Variants in JADE1 observed in about 807,000 individuals in gnomAD.
JADE1 encodes the protein jade family PHD finger 1, also known as protein Jade-1.
Under a neutral mutation model 81.8 loss-of-function variants are expected in JADE1, and 14 were observed. The observed-to-expected ratio is 0.17, with a 90% CI of 0.11 to 0.27. JADE1 has a LOEUF of 0.27. Among genes scored for constraint, JADE1 ranks in the 10% least tolerant of loss-of-function variants. JADE1 has a pLI of 1.00. For synonymous variants in JADE1, 353 were observed against 391.9 expected, an observed-to-expected ratio of 0.90 and a Z score of 1.17; for missense variants, 690 against 1,047.9, an observed-to-expected ratio of 0.66 and a Z score of 4.71.
intron 1 of JADE1, among the ~76,000 whole-genome samples, chr4:128,830,701 C>T (rs1728478723): frequency 6.6e-6 from 1 of 152,180 alleles, no homozygotes; most frequent in Non-Finnish European, 1.5e-5. Context: ...AACTGACAGA[C>T]CAGTGCCCTA....
At chr4:128,861,393 A>G (rs150639053) in intron 8 of JADE1, among the ~76,000 whole-genome samples, 1 of 152,246 alleles carries the variant, frequency 6.6e-6, no homozygotes, top group African/African-American at 2.4e-5. Flanking sequence ...GGCTGGGCGC[A>G]GTGGCTCACG....
At chr4:128,851,864 A>G (rs1036029501) in intron 5 of JADE1, among the ~76,000 whole-genome samples, 193 bp from the exon 6 acceptor site, 7 of 152,016 alleles carry the variant, frequency 4.6e-5, no homozygotes, top group Non-Finnish European at 7.4e-5. Context: ...GGGTTCCACT[A>G]TATTGCCCAG....
At chr4:128,812,795 G>A (rs1471395631) in intron 1 of JADE1, among the ~76,000 whole-genome samples, 2 of 152,246 alleles carry the variant, frequency 1.3e-5, no homozygotes, top group East Asian at 3.9e-4. Context: ...CCTTACTTCG[G>A]CAGGGGCGAG....
chr4:128,856,097 G>T (rs1730770733), intron 7 of JADE1, among the ~76,000 whole-genome samples: 1 of 152,192 alleles, frequency 6.6e-6, no homozygotes, highest in Non-Finnish European at 1.5e-5. Flanking sequence ...GGGATTACAA[G>T]CGTGAGCCAC....
intron 2 of JADE1, among the ~76,000 whole-genome samples, chr4:128,836,691 A>G (rs1290963809): frequency 6.6e-6 from 1 of 151,082 alleles, no homozygotes; most frequent in Non-Finnish European, 1.5e-5. Flanking sequence ...ATCAGGAATT[A>G]TATATTATTG....
At chr4:128,823,246 C>G (rs1325175072) in intron 1 of JADE1, among the ~76,000 whole-genome samples, 1 of 152,098 alleles carries the variant, frequency 6.6e-6, no homozygotes, top group East Asian at 1.9e-4. Flanking sequence ...AATAGATTGC[C>G]TTAGAGCTCA....
chr4:128,819,660 C>T (rs1727379250), intron 1 of JADE1, among the ~76,000 whole-genome samples: 3 of 152,300 alleles, frequency 2.0e-5, no homozygotes, highest in African/African-American at 7.2e-5. Flanking sequence ...CCAGCTTTAC[C>T]TTTTGTGTGC....
chr4:128,814,430 A>G (rs1726799190), intron 1 of JADE1, among the ~76,000 whole-genome samples: 2 of 152,218 alleles, frequency 1.3e-5, no homozygotes, highest in South Asian at 4.1e-4. Context: ...TAGAAAATAC[A>G]AGGAAACAAA....
At chr4:128,815,335 C>T (rs1240027477) in intron 1 of JADE1, among the ~76,000 whole-genome samples, 1 of 151,830 alleles carries the variant, frequency 6.6e-6, no homozygotes, top group Non-Finnish European at 1.5e-5. Flanking sequence ...CTCCTGACCT[C>T]GTGATCCGCC....
intron 3 of JADE1, among the ~76,000 whole-genome samples, chr4:128,843,682 C>T (rs538484139): frequency 2.0e-5 from 3 of 152,246 alleles, no homozygotes; most frequent in Non-Finnish European, 2.9e-5. Flanking sequence ...TTTAAATCAT[C>T]GAAGAAAAAC....
At chr4:128,864,265 G>A (rs1363144685) in intron 9 of JADE1, 6 of 485,996 alleles carry the variant, frequency 1.2e-5, no homozygotes, top group Non-Finnish European at 1.6e-5. Context: ...CTCCTGCCTC[G>A]GTCTCATGAG....
intron 2 of JADE1, among the ~76,000 whole-genome samples, chr4:128,839,967 C>T (rs1729295599): frequency 1.3e-5 from 2 of 152,184 alleles, no homozygotes; most frequent in African/African-American, 4.8e-5. Context: ...TTTGCTTTTC[C>T]TTCTTCTGTA....
rs760945467 is a variant in JADE1 at position 128,843,044 on chromosome 4, T to G, written c.138+6T>G. 6.2e-7 allele frequency: 1 copy of G among 1,610,780 alleles called. No individual in the cohort carries two copies. Among genetic ancestry groups the G allele is most frequent in the African/African-American group, 1.3e-5 (1 of 74,976 alleles). On this transcript the variant is annotated splice_donor_region_variant and intron_variant, in intron 3 of 10. Coordinates refer to ENST00000226319, the MANE Select transcript of JADE1 (RefSeq NM_199320.4). ...AAGATCGAAAGCCTTCAGAGGTACT[T>G]CTTGAATGCTTGCCTGACCGTGCAT...
At chr4:128,831,417 T>A (rs1728539629) in intron 1 of JADE1, 2 of 313,684 alleles carry the variant, frequency 6.4e-6, no homozygotes, top group South Asian at 6.9e-5. Flanking sequence ...TTTTCTGCAG[T>A]GCTTGCTGCC....
chr4:128,838,031 G>C (rs1231322909), intron 2 of JADE1, among the ~76,000 whole-genome samples: 4 of 152,170 alleles, frequency 2.6e-5, no homozygotes, highest in African/African-American at 7.2e-5. Context: ...CCTTATTTTA[G>C]ATCTAGGGCA....
Position 128,873,061 on chromosome 4 carries a change from C to A in JADE1, c.*799C>A. The A allele has an allele frequency of 2.7e-6, 1 of 365,054 alleles. No homozygotes were observed. The highest frequency in any genetic ancestry group is 2.0e-5 in the South Asian group (1 of 50,338). 22.6% of individuals were successfully genotyped at this position (365,054 alleles called of 1,614,324 possible). ...ACTTGACCTTCTTCTTCCCTAACCA[C>A]TGGCTCTTGAGCCAGCTTGGGATTT... is the stretch of plus-strand genomic sequence containing the variant. On this transcript the variant is annotated 3_prime_UTR_variant, in exon 11 of 11. Transcript: ENST00000226319.
At chr4:128,852,829 A>T (rs981528668) in intron 6 of JADE1, among the ~76,000 whole-genome samples, 2 of 151,644 alleles carry the variant, frequency 1.3e-5, no homozygotes, top group South Asian at 4.2e-4. Context: ...GCTTATGGTG[A>T]TTTGGGCAAT....
intron 9 of JADE1, chr4:128,863,648 C>CT (rs1731551925): frequency 1.0e-6 from 1 of 985,296 alleles, no homozygotes; most frequent in Non-Finnish European, 1.2e-6. Context: ...TTTTGTGAGG[C>CT]TTTTGTGCTC....
At chr4:128,849,967 G>A (rs982992314) in intron 5 of JADE1, among the ~76,000 whole-genome samples, 5 of 152,088 alleles carry the variant, frequency 3.3e-5, no homozygotes, top group African/African-American at 1.2e-4. Flanking sequence ...GTGGTGGCAA[G>A]GGCCATGTAT....
Sources: gnomAD v4.1 joint callset for allele counts (sites outside exome capture counted in the v4.1 genomes callset) on GRCh38, gnomAD v4.1.1 for gene constraint, MANE v1.5 for transcripts, NCBI Gene and HGNC (gene_info 2026-07-23, HGNC 2026-07-21) for gene names.